The following TMPO variants were observed in gnomAD, a reference collection of about 807,000 sequenced individuals.
TMPO encodes LEM domain containing 4.
A neutral mutation model predicts 45.4 loss-of-function variants in TMPO; 22 were observed. The ratio of observed to expected loss-of-function variants is 0.48; its 90% CI spans 0.35 to 0.69. The LOEUF is 0.69. Among genes scored for constraint, TMPO ranks in the 30% least tolerant of loss-of-function variants. TMPO has a pLI of 0.01. For synonymous variants in TMPO, 241 were observed against 204.1 expected (o/e 1.18, Z -1.54); for missense variants, 512 against 548.8 (o/e 0.93, Z 0.67).
At chr12:98,537,377 TAA>T in intron 3 of TMPO, 96 bp from the exon 4 acceptor site, 1 of 986,910 alleles carries the variant, frequency 1.0e-6, no homozygotes, top group Admixed American at 2.2e-5. Flanking sequence ...TTTCACCTTT[TAA>T]TGTGCCTAAA....
chr12:98,533,808 A>G (rs769733259), intron 3 of TMPO: 2 of 1,614,244 alleles, frequency 1.2e-6, no homozygotes, highest in South Asian at 1.1e-5. Context: ...CTTCACTGGC[A>G]TGCAAATATC....
chr12:98,517,420 G>A (rs1335824171), intron 1 of TMPO, among the ~76,000 whole-genome samples: 1 of 152,180 alleles, frequency 6.6e-6, no homozygotes, highest in African/African-American at 2.4e-5. Context: ...CTAGTAATTG[G>A]TGTAACATAA....
intron 3 of TMPO, chr12:98,535,472 G>A (rs1877513723): frequency 1.0e-6 from 1 of 985,174 alleles, no homozygotes; most frequent in Non-Finnish European, 1.2e-6. Context: ...CACATTCTTA[G>A]ATTATATGTG....
At position 98,544,478 on chromosome 12, in the gene TMPO, G is replaced by A. The variant is rs547094521; in HGVS notation, c.820G>A (p.Val274Ile). ...TSEHFRIDGP[V>I]ISESTPIAET... ...AGAACATTTTCGTATAGATGGTCCA[G>A]TAATTTCAGAGAGTACTCCCATAGC... Residue 274 changes from valine (V) to isoleucine (I), a missense_variant, in exon 6 of 9, where the codon GTA (valine) becomes ATA (isoleucine). By Grantham distance (29) the Val-to-Ile change is conservative. Transcript: ENST00000556029. 2 of 1,613,940 alleles carry A rather than the reference G, an allele frequency of 1.2e-6. No homozygotes were observed. The highest frequency in any genetic ancestry group is 4.5e-5 in the East Asian group (2 of 44,832).
chr12:98,541,451 GTTAC>G (rs1877909116), intron 4 of TMPO, among the ~76,000 whole-genome samples: 1 of 152,144 alleles, frequency 6.6e-6, no homozygotes, highest in African/African-American at 2.4e-5. Flanking sequence ...AAATGATGTT[GTTAC>G]TTATGTAAGT....
At chr12:98,533,704 G>A in intron 3 of TMPO, 1 of 1,614,128 alleles carries the variant, frequency 6.2e-7, no homozygotes, top group East Asian at 2.2e-5. Flanking sequence ...ATCACAGCAT[G>A]ATAAAATAGA....
chr12:98,537,542 A>T lies in TMPO; in HGVS notation c.633A>T (p.Thr211=), dbSNP rs748319098. Reference sequence around the variant, plus strand: ...AGGGCAGAGCAAAGACTCCAGTAACACTCAAGCAAAGAAGAGTTGAGCACA... The same window carrying T: ...AGGGCAGAGCAAAGACTCCAGTAACTCTCAAGCAAAGAAGAGTTGAGCACA... ...PLKGRAKTPV[T]LKQRRVEHNQ... Residue 211 remains threonine, a synonymous_variant, in exon 4 of 9, where the codon ACA becomes ACT. Coordinates refer to ENST00000556029, the MANE Select transcript of TMPO (RefSeq NM_001032283.3). The T allele has an allele frequency of 6.2e-7, 1 of 1,613,442 alleles. No individual in the cohort carries two copies. The highest frequency in any genetic ancestry group is 8.5e-7 in the Non-Finnish European group (1 of 1,179,612).
chr12:98,516,632 A>C (rs1035806293), intron 1 of TMPO: 2 of 789,194 alleles, frequency 2.5e-6, no homozygotes, highest in Non-Finnish European at 3.1e-6. Context: ...ATTTGAAATG[A>C]GGAAATTCCC....
At chr12:98,517,128 A>G (rs903631937) in intron 1 of TMPO, among the ~76,000 whole-genome samples, 3 of 152,226 alleles carry the variant, frequency 2.0e-5, no homozygotes, top group Admixed American at 2.0e-4. Flanking sequence ...CAAATATTTG[A>G]AAATTGCAGT....
chr12:98,528,831 A>G (rs1032679957), intron 2 of TMPO, among the ~76,000 whole-genome samples: 2 of 152,086 alleles, frequency 1.3e-5, no homozygotes, highest in Middle Eastern at 3.4e-3. Context: ...TGGTGTCACA[A>G]ATCTATTGTC....
At position 98,528,036 on chromosome 12, in the gene TMPO, C is replaced by A. The variant is rs777173090; in HGVS notation, c.406+24C>A. On this transcript the variant is annotated intron_variant, in intron 2 of 8. Transcript: ENST00000556029. ...GGGTAAGTTGATAAAATTTCAAATA[C>A]AGTATCTTTTCTCTGAAGCAGGACC... 1.9e-6 allele frequency: 3 copies of A among 1,613,208 alleles called. No homozygotes were observed. In the African/African-American group the frequency reaches 4.0e-5, roughly 22 times the overall value.
Position 98,545,189 on chromosome 12 carries a change from G to A in TMPO, c.990+128G>A, listed in dbSNP as rs57941688. The stretch of plus-strand genomic sequence containing the variant: ...GAGCTTTCTTTATTGGGTGGTGTGT[G>A]TAAATATGCATAAATTATTTTAAGG... On this transcript the variant is annotated intron_variant, in intron 7 of 8. Transcript: ENST00000556029. The A allele has an allele frequency of 1.0e-5, 7 of 667,326 alleles. No homozygotes were observed. The African/African-American group carries it at 1.3e-4, about 13-fold the overall frequency. 41.3% of individuals were successfully genotyped at this position (667,326 alleles called of 1,614,324 possible). A position where few individuals can be genotyped will look rare whatever the true frequency, so the allele number is the denominator to read the frequency against.
At chr12:98,526,642 T>G (rs572331263) in intron 1 of TMPO, among the ~76,000 whole-genome samples, 28 of 152,316 alleles carry the variant, frequency 1.8e-4, no homozygotes, top group African/African-American at 6.0e-4. Context: ...TTGGCCTTCT[T>G]AAGTTCTCAT....
In TMPO at chr12:98,533,486, A is replaced by G. The variant is rs1057524856; in HGVS notation, c.565+1648A>G. On this transcript the variant is annotated intron_variant, in intron 3 of 8. Coordinates refer to ENST00000556029, the MANE Select transcript of TMPO (RefSeq NM_001032283.3). ...CCACTGGATGTAGAAAACATACAGA[A>G]GAGAATTGATCAGTCTAAGTTTCAA... The G allele has an allele frequency of 9.3e-6, 15 of 1,614,092 alleles. No individual in the cohort carries two copies. Among genetic ancestry groups the G allele is most frequent in the Non-Finnish European group, 1.1e-5 (13 of 1,180,030 alleles).
Position 98,531,688 on chromosome 12 carries a change from A to G in TMPO, c.415A>G (p.Arg139Gly), listed in dbSNP as rs1192019001. Residue 139 changes from arginine to glycine, a missense_variant, in exon 3 of 9, where the codon AGG becomes GGG. This residue lies in a region of TMPO where 299 missense variants were observed against 296.7 expected (regional missense o/e 1.01). Transcript: ENST00000556029. Reference protein sequence around the residue: ...VNPGPIVGTTRKLYEKKLLKL... With the variant: ...VNPGPIVGTTGKLYEKKLLKL... The stretch of plus-strand genomic sequence containing the variant: ...GTTCTGCCTTAATCCAGGAACAACC[A>G]GGAAGCTATATGAGAAAAAGCTTTT... 1.2e-6 allele frequency: 2 copies of G among 1,612,502 alleles called. No individual in the cohort carries two copies. Among genetic ancestry groups the G allele is most frequent in the Non-Finnish European group, 1.7e-6 (2 of 1,179,952 alleles).
chr12:98,546,291 T>C, intron 7 of TMPO, 68 bp from the exon 8 acceptor site: 4 of 1,020,786 alleles, frequency 3.9e-6, no homozygotes, highest in Non-Finnish European at 6.2e-6. Flanking sequence ...TTACTATTTA[T>C]GTTTTAATTA....
chr12:98,516,551 G>T, intron 1 of TMPO: 1 of 1,017,784 alleles, frequency 9.8e-7, no homozygotes, highest in Non-Finnish European at 1.2e-6. Flanking sequence ...TTTATTAACT[G>T]AAATGACTCG....
chr12:98,531,897 T>C lies in TMPO; in HGVS notation c.565+59T>C, dbSNP rs543382325. On this transcript the variant is annotated intron_variant, in intron 3 of 8. Transcript: ENST00000556029. ...GAATTTTTTCACACTCAAAATTCAG[T>C]GACCATGAAGAAAGTAAAATTTAAA... 57 of 1,471,846 alleles carry C rather than the reference T, an allele frequency of 3.9e-5. No homozygotes were observed. In the African/African-American group the frequency reaches 7.3e-4, roughly 19 times the overall value. 91.2% of individuals were successfully genotyped at this position (1,471,846 alleles called of 1,614,324 possible).
intron 3 of TMPO, chr12:98,533,778 G>A: frequency 6.2e-7 from 1 of 1,614,228 alleles, no homozygotes. Context: ...AAGAATGGCA[G>A]CAAGTTGACA....
Sources: gnomAD v4.1 joint callset for allele counts (sites outside exome capture counted in the v4.1 genomes callset) on GRCh38, gnomAD v4.1.1 for gene constraint, gnomAD v4.1.1 regional missense constraint, MANE v1.5 for transcripts, NCBI Gene and HGNC (gene_info 2026-07-23, HGNC 2026-07-21) for gene names.